The following RALGPS1 variants were observed in gnomAD, a reference collection of about 807,000 sequenced individuals.
RALGPS1 encodes the protein Ral GEF with PH domain and SH3 binding motif 1.
RALGPS1 carries 19 observed loss-of-function variants against 78.8 expected under a neutral mutation model. The ratio of observed to expected loss-of-function variants is 0.24; its 90% CI spans 0.17 to 0.35. RALGPS1 has a LOEUF of 0.35. Among genes scored for constraint, RALGPS1 ranks in the 10% least tolerant of loss-of-function variants. RALGPS1 has a pLI of 1.00. For synonymous variants in RALGPS1, 228 were observed against 256.3 expected (o/e 0.89, Z 1.06); for missense variants, 454 against 688.3 (o/e 0.66, Z 3.81).
At chr9:127,114,644 T>G (rs1229804014) in intron 8 of RALGPS1, among the ~76,000 whole-genome samples, 1 of 152,236 alleles carries the variant, frequency 6.6e-6, no homozygotes, top group Non-Finnish European at 1.5e-5. Flanking sequence ...ACCCGTCCTC[T>G]GGTCAGCACT....
At chr9:127,061,019 TGA>T (rs766078541) in intron 7 of RALGPS1, among the ~76,000 whole-genome samples, 5 of 152,202 alleles carry the variant, frequency 3.3e-5, no homozygotes, top group African/African-American at 9.7e-5. Flanking sequence ...TGAGCTAGAA[TGA>T]GAGAGAGAAT....
intron 4 of RALGPS1, among the ~76,000 whole-genome samples, chr9:126,995,568 A>T (rs1211740281): frequency 2.0e-5 from 3 of 152,218 alleles, no homozygotes; most frequent in African/African-American, 7.2e-5. Context: ...TTAGACTCCC[A>T]CACAATAATA....
At chr9:127,028,155 C>G (rs1231248937) in intron 4 of RALGPS1, among the ~76,000 whole-genome samples, 1 of 152,228 alleles carries the variant, frequency 6.6e-6, no homozygotes, top group East Asian at 1.9e-4. Flanking sequence ...CAGCCCGATT[C>G]CTGGGCTGGC....
At chr9:127,207,781 C>T (rs1299967513) in intron 14 of RALGPS1, among the ~76,000 whole-genome samples, 1 of 152,320 alleles carries the variant, frequency 6.6e-6, no homozygotes, top group South Asian at 2.1e-4. Context: ...TCCACCCTAA[C>T]TCTGTGTTCC....
intron 7 of RALGPS1, among the ~76,000 whole-genome samples, chr9:127,066,913 T>C (rs1313394760): frequency 1.3e-5 from 2 of 152,090 alleles, no homozygotes; most frequent in Non-Finnish European, 2.9e-5. Flanking sequence ...AGCCTCAACC[T>C]CCTGGACTTA....
Position 127,091,562 on chromosome 9 carries a change from C to A in RALGPS1, c.610+22206C>A, listed in dbSNP as rs776263463. 6.9e-7 allele frequency: 1 copy of A among 1,458,950 alleles called. No homozygotes were observed. Among genetic ancestry groups the A allele is most frequent in the Non-Finnish European group, 9.2e-7 (1 of 1,085,026 alleles). The allele number at this position is 1,458,950 out of a possible 1,614,324, so 90.4% of individuals were successfully genotyped here. ...AGGGTCAGGCAGCTTGGCCCAGCTG[C>A]TTCTCACCCTGGGATCTTCCCGTTT... On this transcript the variant is annotated intron_variant, in intron 8 of 18. Transcript: ENST00000259351. The surrounding 1 kb of genome is among the most constrained non-coding windows in gnomAD (Gnocchi z 4.3).
rs11290290 is a variant in RALGPS1, at chr9:126,958,126, TAAAAA to T, written c.-65-4086_-65-4082del. ...AAACTGGGAAACAGAGCTGTCTCTT[TAAAAA>T]AAAAAAAAAAAATATATATATATAT... On this transcript the variant is annotated intron_variant, in intron 1 of 18. Transcript: ENST00000259351. Among the ~76,000 whole-genome samples, 123 of 77,558 alleles carry T rather than the reference TAAAAA, an allele frequency of 1.6e-3. 2 individuals carry two copies. The East Asian group carries it at 0.018, about 12-fold the overall frequency. 50.9% of individuals were successfully genotyped at this position (77,558 alleles called of 152,430 possible).
At chr9:127,076,531 A>C (rs2050695979) in intron 8 of RALGPS1, among the ~76,000 whole-genome samples, 1 of 152,254 alleles carries the variant, frequency 6.6e-6, no homozygotes, top group African/African-American at 2.4e-5. Context: ...TTTTTCAAAA[A>C]GTAAGACTTT....
intron 13 of RALGPS1, 87 bp from the exon 14 acceptor site, chr9:127,198,928 C>T (rs1350746405): frequency 2.5e-6 from 3 of 1,203,938 alleles, no homozygotes; most frequent in Non-Finnish European, 2.5e-6. Flanking sequence ...CTTCTGTGAG[C>T]TCAGGGGGCC....
chr9:126,949,265 A>G (rs1045390981), intron 1 of RALGPS1, among the ~76,000 whole-genome samples: 5 of 152,190 alleles, frequency 3.3e-5, no homozygotes, highest in Admixed American at 1.3e-4. Context: ...TAGTGCCGCA[A>G]TAAACATAGG....
chr9:127,209,835 A>G (rs1307536769), intron 14 of RALGPS1, among the ~76,000 whole-genome samples: 1 of 152,220 alleles, frequency 6.6e-6, no homozygotes, highest in African/African-American at 2.4e-5. Flanking sequence ...ACGGCTGACC[A>G]TGGAGGACTG....
At chr9:126,956,251 G>C (rs1018120469) in intron 1 of RALGPS1, among the ~76,000 whole-genome samples, 4 of 152,042 alleles carry the variant, frequency 2.6e-5, no homozygotes, top group African/African-American at 4.8e-5. Flanking sequence ...TCTCAGGGCG[G>C]GGCTAGGCCA....
intron 8 of RALGPS1, among the ~76,000 whole-genome samples, chr9:127,109,012 G>A (rs2054540102): frequency 6.6e-6 from 1 of 152,202 alleles, no homozygotes; most frequent in Non-Finnish European, 1.5e-5. Flanking sequence ...CAGGGCATCT[G>A]AAGGCAGGAG....
intron 11 of RALGPS1, among the ~76,000 whole-genome samples, chr9:127,181,911 A>G (rs999073049): frequency 6.6e-6 from 1 of 151,904 alleles, no homozygotes; most frequent in Admixed American, 6.6e-5. Flanking sequence ...CTCAAGAACA[A>G]AGGAGATGTG....
intron 4 of RALGPS1, among the ~76,000 whole-genome samples, chr9:127,027,676 C>A (rs972642479): frequency 6.6e-6 from 1 of 152,216 alleles, no homozygotes; most frequent in Non-Finnish European, 1.5e-5. Context: ...ATTAGCATAT[C>A]CATAAACTAT....
chr9:126,989,426 G>T (rs2042087371), intron 4 of RALGPS1, among the ~76,000 whole-genome samples: 1 of 152,244 alleles, frequency 6.6e-6, no homozygotes, highest in South Asian at 2.1e-4. Context: ...CAGCAGCGTG[G>T]AGGGGAAGTA....
chr9:127,098,468 A>C (rs934350971), intron 8 of RALGPS1, among the ~76,000 whole-genome samples: 7 of 152,192 alleles, frequency 4.6e-5, no homozygotes, highest in Admixed American at 3.3e-4. Flanking sequence ...GTGAAGAGAA[A>C]TGCAGCCCCG....
At chr9:126,953,099 T>G (rs372271239) in intron 1 of RALGPS1, among the ~76,000 whole-genome samples, 2 of 152,166 alleles carry the variant, frequency 1.3e-5, no homozygotes, top group African/African-American at 4.8e-5. Flanking sequence ...TTTTCTTGGT[T>G]TCCTGAACCT....
chr9:127,212,968 G>A lies in RALGPS1; in HGVS notation c.1471G>A (p.Val491Ile). The change falls in exon 17 of 19, where the codon GTT becomes ATT. Residue 491 changes from valine (V) to isoleucine (I), a missense_variant. Val to Ile is a conservative substitution (Grantham distance 29, BLOSUM62 3). Coordinates refer to ENST00000259351, the MANE Select transcript of RALGPS1 (RefSeq NM_014636.3). The surrounding 1 kb of genome is among the most constrained non-coding windows in gnomAD (Gnocchi z 6.0). ...KHYKSTPGKKVSIVGWMVQLP... is the reference protein window; with the variant it reads ...KHYKSTPGKKISIVGWMVQLP... Reference sequence around the variant, plus strand: ...GTATAAATCCACACCTGGCAAAAAGGTTTCCATCGTGGGCTGGATGGTGCA... The same window carrying A: ...GTATAAATCCACACCTGGCAAAAAGATTTCCATCGTGGGCTGGATGGTGCA... The A allele has an allele frequency of 6.2e-7, 1 of 1,614,174 alleles. No individual in the cohort carries two copies. Among genetic ancestry groups the A allele is most frequent in the South Asian group, 1.1e-5 (1 of 91,082 alleles).
Sources: gnomAD v4.1 joint callset for allele counts (sites outside exome capture counted in the v4.1 genomes callset) on GRCh38, gnomAD v4.1.1 for gene constraint, Gnocchi (gnomAD v3.1) non-coding constraint, MANE v1.5 for transcripts, NCBI Gene and HGNC (gene_info 2026-07-23, HGNC 2026-07-21) for gene names.